The following CDH18 variants were observed in gnomAD, a reference collection of about 807,000 sequenced individuals.
CDH18 encodes cadherin 18.
Under a neutral mutation model 67.9 loss-of-function variants are expected in CDH18, and 31 were observed. That is an observed-to-expected ratio of 0.46 (90% confidence interval 0.34 to 0.62). The LOEUF is 0.62. Among genes scored for constraint, CDH18 ranks in the 20% least tolerant of loss-of-function variants. CDH18 has a pLI of 0.01. For synonymous variants in CDH18, 362 were observed against 347.2 expected (o/e 1.04, Z -0.48); for missense variants, 890 against 975.5 (o/e 0.91, Z 1.17).
At chr5:19,662,701 T>C (rs1320483645) in intron 5 of CDH18, among the ~76,000 whole-genome samples, 1 of 152,062 alleles carries the variant, frequency 6.6e-6, no homozygotes, top group Non-Finnish European at 1.5e-5. Flanking sequence ...ATCTGTGCAG[T>C]AATTATGAGC....
chr5:20,440,518 A>G (rs1425849321), intron 1 of CDH18, among the ~76,000 whole-genome samples: 1 of 151,916 alleles, frequency 6.6e-6, no homozygotes, highest in Non-Finnish European at 1.5e-5. Flanking sequence ...TAAAAGTTGG[A>G]AATAATGAGA....
chr5:19,686,822 C>CA (rs960624915), intron 5 of CDH18, among the ~76,000 whole-genome samples: 9 of 148,556 alleles, frequency 6.1e-5, no homozygotes, highest in African/African-American at 7.4e-5. Flanking sequence ...TCTTCCCAAC[C>CA]AAAAAAAAAT....
chr5:20,433,805 G>A (rs1274284131), intron 1 of CDH18, among the ~76,000 whole-genome samples: 1 of 152,040 alleles, frequency 6.6e-6, no homozygotes, highest in Non-Finnish European at 1.5e-5. Context: ...AAGGGTTATG[G>A]CTGAGAATAG....
At chr5:19,974,542 AAG>A (rs1798326286) in intron 2 of CDH18, among the ~76,000 whole-genome samples, 2 of 150,806 alleles carry the variant, frequency 1.3e-5, no homozygotes, top group South Asian at 2.1e-4. Flanking sequence ...AAAAAAAAAA[AAG>A]AGGGAAGTTT....
intron 2 of CDH18, among the ~76,000 whole-genome samples, chr5:20,084,910 G>A (rs1381425789): frequency 1.3e-5 from 2 of 152,146 alleles, no homozygotes; most frequent in African/African-American, 4.8e-5. Context: ...CTCCAGGCTT[G>A]TGATGGGAGG....
chr5:19,647,464 A>G (rs1754927066), intron 5 of CDH18, among the ~76,000 whole-genome samples: 1 of 128,432 alleles, frequency 7.8e-6, no homozygotes, highest in Admixed American at 9.7e-5. Flanking sequence ...CGGGAGGTAG[A>G]GGTTGCAGTG....
At chr5:19,529,578 A>T (rs1748274345) in intron 9 of CDH18, among the ~76,000 whole-genome samples, 2 of 152,090 alleles carry the variant, frequency 1.3e-5, no homozygotes, top group Admixed American at 1.3e-4. Context: ...ATGATTATGA[A>T]GAAAATACCA....
intron 1 of CDH18, among the ~76,000 whole-genome samples, chr5:20,396,877 A>G (rs1286242687): frequency 2.6e-5 from 4 of 152,188 alleles, no homozygotes; most frequent in Non-Finnish European, 5.9e-5. Context: ...TAAGTTTCCA[A>G]ATAAAATTAT....
intron 5 of CDH18, among the ~76,000 whole-genome samples, chr5:19,691,310 C>A (rs533459275): frequency 6.6e-6 from 1 of 151,918 alleles, no homozygotes; most frequent in East Asian, 1.9e-4. Context: ...AAACTGAAAG[C>A]CTTTCTTCTA....
intron 2 of CDH18, among the ~76,000 whole-genome samples, chr5:19,876,899 G>T (rs546476526): frequency 1.3e-5 from 2 of 152,042 alleles, no homozygotes; most frequent in Non-Finnish European, 2.9e-5. Context: ...AATGAAATCC[G>T]TGTGGAAATG....
intron 1 of CDH18, among the ~76,000 whole-genome samples, chr5:20,359,888 T>C (rs761858195): frequency 1.5e-4 from 23 of 151,986 alleles, no homozygotes; most frequent in Non-Finnish European, 2.4e-4. Flanking sequence ...AAAGTTATTA[T>C]TATTTATAAC....
chr5:20,528,296 A>G (rs753095218), intron 1 of CDH18, among the ~76,000 whole-genome samples: 73 of 152,028 alleles, frequency 4.8e-4, no homozygotes, highest in Non-Finnish European at 2.5e-4. Context: ...CCACCACACA[A>G]TAATAGTGGG....
intron 9 of CDH18, among the ~76,000 whole-genome samples, chr5:19,526,785 A>G (rs961349763): frequency 2.0e-5 from 3 of 152,020 alleles, no homozygotes; most frequent in Non-Finnish European, 2.9e-5. Flanking sequence ...ATATATAAAT[A>G]GGTTAATATA....
chr5:20,247,690 G>A (rs2126579745), intron 2 of CDH18, among the ~76,000 whole-genome samples: 1 of 151,556 alleles, frequency 6.6e-6, no homozygotes, highest in South Asian at 2.1e-4. Flanking sequence ...CTTGAACCCG[G>A]GAGGCAGAGG....
chr5:20,567,843 A>C (rs547832605), intron 1 of CDH18, among the ~76,000 whole-genome samples: 9 of 152,324 alleles, frequency 5.9e-5, no homozygotes, highest in African/African-American at 2.2e-4. Flanking sequence ...TAGATGGAGA[A>C]TGCCTAATCG....
chr5:19,544,350 T>C (rs1735938049), intron 8 of CDH18, among the ~76,000 whole-genome samples: 1 of 152,106 alleles, frequency 6.6e-6, no homozygotes, highest in Non-Finnish European at 1.5e-5. Flanking sequence ...ATATTAAACC[T>C]ATAATAAGAC....
At chr5:20,226,308 T>A (rs753907486) in intron 2 of CDH18, among the ~76,000 whole-genome samples, 2 of 152,110 alleles carry the variant, frequency 1.3e-5, no homozygotes, top group South Asian at 2.1e-4. Flanking sequence ...TAGCTGTCAC[T>A]GTCATGAAAG....
rs77283460 is a variant in CDH18 at position 20,533,149 on chromosome 5, A to G, written c.-580+42313T>C. Among the ~76,000 whole-genome samples, 103 of 152,198 alleles carry G rather than the reference A, an allele frequency of 6.8e-4. 2 individuals are homozygous for G. The highest frequency in any genetic ancestry group is 2.4e-3 in the African/African-American group (101 of 41,542). Reference sequence around the variant, plus strand: ...ATGTGGAGGTGAAGGCCACAATCCAAATGACGCTTCTGCAAGTCAAGGAAT... The same window carrying G: ...ATGTGGAGGTGAAGGCCACAATCCAGATGACGCTTCTGCAAGTCAAGGAAT... On this transcript the variant is annotated intron_variant, in intron 1 of 14. Coordinates refer to the CDH18 transcript ENST00000507958.
intron 2 of CDH18, among the ~76,000 whole-genome samples, chr5:20,154,316 A>G (rs1751358414): frequency 6.6e-6 from 1 of 152,088 alleles, no homozygotes; most frequent in African/African-American, 2.4e-5. Context: ...TGCCTTTTCA[A>G]TTTTAATATT....
Sources: allele counts gnomAD v4.1 joint callset (sites outside exome capture counted in the v4.1 genomes callset), GRCh38; gene constraint gnomAD v4.1.1; transcripts MANE v1.5; gene names NCBI Gene and HGNC (gene_info 2026-07-23, HGNC 2026-07-21).